Variants in PTPRD observed in about 807,000 individuals in gnomAD.
The protein encoded by PTPRD is receptor-type tyrosine-protein phosphatase delta.
Under a neutral mutation model 214.5 loss-of-function variants are expected in PTPRD, and 34 were observed. The observed-to-expected ratio is 0.16, with a 90% CI of 0.12 to 0.21. The LOEUF (loss-of-function observed/expected upper bound fraction) is 0.21. Among genes scored for constraint, PTPRD ranks in the 10% least tolerant of loss-of-function variants. The pLI is 1.00. For synonymous variants in PTPRD, 1,128 were observed against 845.7 expected (o/e 1.33, Z -5.79); for missense variants, 2,545 against 2,398.7 (o/e 1.06, Z -1.27).
chr9:8,385,059 G>T (rs1211761608), intron 37 of PTPRD, among the ~76,000 whole-genome samples: 1 of 152,028 alleles, frequency 6.6e-6, no homozygotes, highest in African/African-American at 2.4e-5. Context: ...CACTTATAAG[G>T]GTTTCTTTAG....
chr9:9,129,901 T>A (rs956499025), intron 10 of PTPRD, among the ~76,000 whole-genome samples: 2 of 152,322 alleles, frequency 1.3e-5, no homozygotes, highest in Non-Finnish European at 2.9e-5. Context: ...CCAGTTTTTT[T>A]ATTCTGGGCA....
intron 14 of PTPRD, among the ~76,000 whole-genome samples, chr9:8,620,794 G>A: frequency 6.6e-6 from 1 of 151,980 alleles, no homozygotes; most frequent in African/African-American, 2.4e-5. Context: ...GTCCTTTCAA[G>A]TCTATATTAA....
intron 10 of PTPRD, among the ~76,000 whole-genome samples, chr9:9,024,077 A>G (rs899914354): frequency 5.7e-4 from 86 of 151,854 alleles, no homozygotes; most frequent in African/African-American, 2.0e-3. Context: ...AAAGTCATTC[A>G]AAATCCTACC....
At chr9:8,784,618 G>A (rs1439291155) in intron 11 of PTPRD, among the ~76,000 whole-genome samples, 1 of 148,736 alleles carries the variant, frequency 6.7e-6, no homozygotes, top group East Asian at 2.0e-4. Context: ...AAACTTTTAA[G>A]AGTGTGCCTC....
At chr9:9,012,060 A>G (rs777976616) in intron 11 of PTPRD, among the ~76,000 whole-genome samples, 4 of 152,162 alleles carry the variant, frequency 2.6e-5, no homozygotes, top group Non-Finnish European at 5.9e-5. Flanking sequence ...TTAAAGAAGC[A>G]AGGTACCATG....
intron 2 of PTPRD, among the ~76,000 whole-genome samples, chr9:10,531,152 G>A (rs567570726): frequency 6.6e-6 from 1 of 152,194 alleles, no homozygotes; most frequent in East Asian, 1.9e-4. Flanking sequence ...GTTTCACCAT[G>A]TTGGTCAGGC....
chr9:10,184,356 C>T (rs2099318432), intron 3 of PTPRD, among the ~76,000 whole-genome samples: 1 of 152,074 alleles, frequency 6.6e-6, no homozygotes, highest in African/African-American at 2.4e-5. Context: ...ACCCGGGAGG[C>T]AGAGGTTGCA....
chr9:8,426,538 G>C (rs1248089889), intron 35 of PTPRD, among the ~76,000 whole-genome samples: 1 of 152,116 alleles, frequency 6.6e-6, no homozygotes, highest in Non-Finnish European at 1.5e-5. Flanking sequence ...TGAGAGCCTT[G>C]GGCTCCACAT....
At chr9:10,343,904 T>C (rs371575765) in intron 2 of PTPRD, among the ~76,000 whole-genome samples, 1 of 151,838 alleles carries the variant, frequency 6.6e-6, no homozygotes, top group African/African-American at 2.4e-5. Flanking sequence ...ATTCTGGATA[T>C]TAGCTCTTTG....
intron 5 of PTPRD, among the ~76,000 whole-genome samples, chr9:9,830,782 G>A (rs2153602558): frequency 6.6e-6 from 1 of 151,966 alleles, no homozygotes; most frequent in Non-Finnish European, 1.5e-5. Flanking sequence ...GACTTTCAAG[G>A]CAGGTCCTTA....
At chr9:10,500,561 A>G (rs776932579) in intron 2 of PTPRD, among the ~76,000 whole-genome samples, 1 of 151,584 alleles carries the variant, frequency 6.6e-6, no homozygotes, top group Admixed American at 6.6e-5. Context: ...ATCTAACTAT[A>G]CTCTTTTAGC....
At chr9:9,201,877 G>C (rs936238984) in intron 9 of PTPRD, among the ~76,000 whole-genome samples, 3 of 152,192 alleles carry the variant, frequency 2.0e-5, no homozygotes, top group African/African-American at 7.2e-5. Context: ...ACTGGAAGCT[G>C]TGGAGCACAG....
chr9:10,052,982 A>G (rs1312008423), intron 3 of PTPRD, among the ~76,000 whole-genome samples: 1 of 152,190 alleles, frequency 6.6e-6, no homozygotes, highest in Admixed American at 6.6e-5. Flanking sequence ...TTACTTGTAA[A>G]TAACTATCTA....
chr9:10,032,626 T>C (rs572025811), intron 4 of PTPRD, among the ~76,000 whole-genome samples: 3 of 152,308 alleles, frequency 2.0e-5, no homozygotes, highest in African/African-American at 7.2e-5. Flanking sequence ...ACACACTTGC[T>C]ACCTTGCAAC....
At chr9:9,366,013 C>T (rs1217203195) in intron 9 of PTPRD, among the ~76,000 whole-genome samples, 1 of 151,428 alleles carries the variant, frequency 6.6e-6, no homozygotes, top group South Asian at 2.1e-4. Context: ...CAAAGATATT[C>T]TGAGTAAAAT....
intron 4 of PTPRD, among the ~76,000 whole-genome samples, chr9:9,985,430 T>C (rs1333888863): frequency 6.6e-6 from 1 of 152,212 alleles, no homozygotes; most frequent in Non-Finnish European, 1.5e-5. Flanking sequence ...TATGCTGTTT[T>C]AAATTATTTT....
chr9:9,687,361 G>C (rs2097183644), intron 7 of PTPRD, among the ~76,000 whole-genome samples: 1 of 151,794 alleles, frequency 6.6e-6, no homozygotes, highest in African/African-American at 2.4e-5. Context: ...AGCTCCCTTT[G>C]TGGAAGCCTT....
chr9:9,750,561 C>A (rs918358930), intron 6 of PTPRD, among the ~76,000 whole-genome samples: 3 of 152,102 alleles, frequency 2.0e-5, no homozygotes. Flanking sequence ...AAAGGGTGAG[C>A]CCAACAGATT....
intron 3 of PTPRD, among the ~76,000 whole-genome samples, chr9:10,312,808 G>A (rs1335596842): frequency 6.6e-6 from 1 of 151,322 alleles, no homozygotes; most frequent in South Asian, 2.1e-4. Flanking sequence ...GAGAAATTTT[G>A]TTGTATTTGT....
Sources: allele counts gnomAD v4.1 joint callset (sites outside exome capture counted in the v4.1 genomes callset), GRCh38; gene constraint gnomAD v4.1.1; transcripts MANE v1.5; gene names NCBI Gene and HGNC (gene_info 2026-07-23, HGNC 2026-07-21).